The following FGFR1 variants were observed in gnomAD, a reference collection of about 807,000 sequenced individuals.
FGFR1 encodes the protein fibroblast growth factor receptor 1.
FGFR1 carries 18 observed loss-of-function variants against 93.7 expected under a neutral mutation model. The ratio of observed to expected loss-of-function variants is 0.19; its 90% CI spans 0.13 to 0.28. The LOEUF (loss-of-function observed/expected upper bound fraction) is 0.28. Ranked by LOEUF, FGFR1 falls within the 10% of genes least tolerant of loss-of-function variation. The pLI is 1.00. For missense variants in FGFR1, 731 were observed against 1,080.4 expected (o/e 0.68, Z 4.53); for synonymous variants, 448 against 429.3 (o/e 1.04, Z -0.54).
chr8:38,450,404 G>A (rs1013141651), intron 2 of FGFR1, among the ~76,000 whole-genome samples: 3 of 152,160 alleles, frequency 2.0e-5, no homozygotes, highest in South Asian at 2.1e-4. Flanking sequence ...CAGTGGCCCC[G>A]GAGGAACGAG....
At chr8:38,414,681 C>T (rs756455400) in intron 14 of FGFR1, 52 bp from the exon 15 acceptor site, 11 of 1,613,502 alleles carry the variant, frequency 6.8e-6, no homozygotes, top group Non-Finnish European at 9.3e-6. Flanking sequence ...GCCATGAGGG[C>T]ACAGGTGGGA....
chr8:38,465,785 G>T (rs1287257337), intron 1 of FGFR1: 2 of 217,566 alleles, frequency 9.2e-6, no homozygotes, highest in Non-Finnish European at 1.8e-5. Context: ...GGCCAAGGGA[G>T]GAAAATGGCC....
rs911438036 is a variant in FGFR1, at chr8:38,411,302, C to G, written c.*2326G>C. The G allele has an allele frequency of 1.4e-5, 3 of 211,818 alleles. No individual in the cohort carries two copies. Among genetic ancestry groups the G allele is most frequent in the Non-Finnish European group, 1.9e-5 (2 of 104,608 alleles). The allele number at this position is 211,818 out of a possible 1,614,324, so 13.1% of individuals were successfully genotyped here. On this transcript the variant is annotated 3_prime_UTR_variant, in exon 18 of 18. Transcript: ENST00000447712. ...TTATGAAGACTTTTAGATTCTTCAT[C>G]CCTTCACACAACATTGCTTCAAGGT...
At chr8:38,463,578 A>T (rs1366622405) in intron 1 of FGFR1, among the ~76,000 whole-genome samples, 1 of 152,164 alleles carries the variant, frequency 6.6e-6, no homozygotes, top group Non-Finnish European at 1.5e-5. Context: ...AGATGCCAAC[A>T]TGTTTGTTAA....
At chr8:38,415,259 T>A (rs181555012) in intron 13 of FGFR1, among the ~76,000 whole-genome samples, 30 of 152,206 alleles carry the variant, frequency 2.0e-4, no homozygotes, top group Admixed American at 4.6e-4. Flanking sequence ...GACAGTTTCA[T>A]TTTATCTTCA....
At chr8:38,427,065 C>A (rs1325121262) in intron 5 of FGFR1, among the ~76,000 whole-genome samples, 8 of 150,462 alleles carry the variant, frequency 5.3e-5, no homozygotes, top group Non-Finnish European at 1.2e-4. Context: ...CAAGATGGCA[C>A]CACTGCACTC....
intron 2 of FGFR1, among the ~76,000 whole-genome samples, chr8:38,432,132 T>G (rs1309094267): frequency 6.6e-6 from 1 of 152,106 alleles, no homozygotes; most frequent in Non-Finnish European, 1.5e-5. Flanking sequence ...GACAAAAATG[T>G]AGCAAAGAGA....
At chr8:38,440,179 G>C (rs1355514114) in intron 2 of FGFR1, 1 of 758,074 alleles carries the variant, frequency 1.3e-6, no homozygotes, top group Non-Finnish European at 2.3e-6. Flanking sequence ...GTGGGTGGGG[G>C]AGGAACTCGG....
At position 38,413,760 on chromosome 8, in the gene FGFR1, G is replaced by A. The variant is rs773808959; in HGVS notation, c.2337C>T (p.Ser779=). 5 of 1,614,150 alleles carry A rather than the reference G, an allele frequency of 3.1e-6. No homozygotes were observed. The South Asian group carries it at 5.5e-5, about 18-fold the overall frequency. ...ACGTAGAGCTCCGGGTGTCGGGAAA[G>A]CTGGGGGAGTACTGGTCCAGGGGCA... is the stretch of plus-strand genomic sequence containing the variant. ...LSMPLDQYSP[S]FPDTRSSTCS... is the part of the protein sequence containing the mutation. The change falls in exon 18 of 18, where the codon AGC becomes AGT. Residue 779 remains serine, a synonymous_variant. Transcript: ENST00000447712. This position sits in a 1 kb window ranked among gnomAD's most constrained non-coding sequence, Gnocchi z 4.2.
At chr8:38,438,344 C>G (rs1443090553) in intron 2 of FGFR1, among the ~76,000 whole-genome samples, 1 of 152,064 alleles carries the variant, frequency 6.6e-6, no homozygotes, top group African/African-American at 2.4e-5. Context: ...GAGTTTGAGA[C>G]CAGCCTGGCC....
chr8:38,429,861 T>C lies in FGFR1; in HGVS notation c.179A>G (p.Asp60Gly), dbSNP rs2150963361. Residue 60 changes from aspartate (D) to glycine (G), a missense_variant, in exon 3 of 18, where the codon GAT becomes GGT. Transcript: ENST00000447712. This position sits in a 1 kb window ranked among gnomAD's most constrained non-coding sequence, Gnocchi z 4.4. Reference protein sequence around the residue: ...LLQLRCRLRDDVQSINWLRDG... With the variant: ...LLQLRCRLRDGVQSINWLRDG... ...CCGCAGCCAGTTGATGCTCTGCACA[T>C]CGTCCCGCAGCCGACAGCGAAGCTG... 1.2e-6 allele frequency: 2 copies of C among 1,614,004 alleles called. No homozygotes were observed. The highest frequency in any genetic ancestry group is 1.7e-6 in the Non-Finnish European group (2 of 1,180,008).
At chr8:38,453,198 G>T (rs1831641945) in intron 2 of FGFR1, among the ~76,000 whole-genome samples, 1 of 152,138 alleles carries the variant, frequency 6.6e-6, no homozygotes, top group African/African-American at 2.4e-5. Context: ...CTGAGACGGG[G>T]GCTTACTCCA....
At position 38,424,411 on chromosome 8, in the gene FGFR1, A is replaced by T. The variant is rs746744438; in HGVS notation, c.936+98T>A. On this transcript the variant is annotated intron_variant, in intron 7 of 17. Coordinates refer to ENST00000447712, the MANE Select transcript of FGFR1 (RefSeq NM_023110.3). The surrounding 1 kb of genome is among the most constrained non-coding windows in gnomAD (Gnocchi z 4.3). The stretch of plus-strand genomic sequence containing the variant: ...TGCCTGAAGCGTGAGGAATGATCCC[A>T]TTCGGGGGCAACTGAGCCTGCCCAC... The T allele has an allele frequency of 1.1e-5, 14 of 1,324,610 alleles. No homozygotes were observed. Among genetic ancestry groups the T allele is most frequent in the South Asian group, 9.5e-5 (8 of 83,864 alleles). 82.1% of individuals were successfully genotyped at this position (1,324,610 alleles called of 1,614,324 possible).
At chr8:38,454,221 ACC>A (rs1832018273) in intron 2 of FGFR1, among the ~76,000 whole-genome samples, 1 of 139,600 alleles carries the variant, frequency 7.2e-6, no homozygotes, top group Non-Finnish European at 1.6e-5. Context: ...TAGCACCCCC[ACC>A]CTGGCCCTAA....
At position 38,418,189 on chromosome 8, in the gene FGFR1, G is replaced by A. The variant is rs775118773; in HGVS notation, c.1430+39C>T. ...CTTCCACCACTAGAATAGCAAGCAAGGAATGCCTTCAAAAAGTTGGGAGTC... is the reference window on the plus strand; with the variant it reads ...CTTCCACCACTAGAATAGCAAGCAAAGAATGCCTTCAAAAAGTTGGGAGTC... On this transcript the variant is annotated intron_variant, in intron 10 of 17. Coordinates refer to ENST00000447712, the MANE Select transcript of FGFR1 (RefSeq NM_023110.3). 8 of 1,613,984 alleles carry A rather than the reference G, an allele frequency of 5.0e-6. No individual in the cohort carries two copies. In the African/African-American group the frequency reaches 5.3e-5, roughly 11 times the overall value.
chr8:38,467,905 A>C (rs879856297), intron 1 of FGFR1, 76 bp downstream of exon 1: 10 of 221,588 alleles, frequency 4.5e-5, no homozygotes, highest in Non-Finnish European at 7.2e-5. Context: ...CAAAGCGCGC[A>C]GCCGGGAGGC....
chr8:38,461,155 C>CT, intron 1 of FGFR1: 1 of 1,535,786 alleles, frequency 6.5e-7, no homozygotes, highest in Non-Finnish European at 8.7e-7. Flanking sequence ...AAAGTGCCTG[C>CT]TGTCTTCTCA....
Position 38,424,989 on chromosome 8 carries a change from C to T in FGFR1, c.746-290G>A, listed in dbSNP as rs1820219429. Among the ~76,000 whole-genome samples the T allele has an allele frequency of 6.6e-6, 1 of 152,212 alleles. No individual in the cohort carries two copies. The highest frequency in any genetic ancestry group is 1.5e-5 in the Non-Finnish European group (1 of 68,042). On this transcript the variant is annotated intron_variant, in intron 6 of 17. Coordinates refer to ENST00000447712, the MANE Select transcript of FGFR1 (RefSeq NM_023110.3). The surrounding 1 kb of genome is among the most constrained non-coding windows in gnomAD (Gnocchi z 4.3). ...ATTCAGTTGCACCCCCAGACCTCAGCACAACCTGCTCCTCCTTAAAAAACC... is the reference window on the plus strand; with the variant it reads ...ATTCAGTTGCACCCCCAGACCTCAGTACAACCTGCTCCTCCTTAAAAAACC...
chr8:38,451,061 G>A (rs1449280059), intron 2 of FGFR1, among the ~76,000 whole-genome samples: 1 of 152,154 alleles, frequency 6.6e-6, no homozygotes, highest in Non-Finnish European at 1.5e-5. Flanking sequence ...TATGAGCTTA[G>A]CACCTTGCAG....
Sources: allele counts gnomAD v4.1 joint callset (sites outside exome capture counted in the v4.1 genomes callset), GRCh38; gene constraint gnomAD v4.1.1; non-coding constraint Gnocchi (gnomAD v3.1); transcripts MANE v1.5; gene names NCBI Gene and HGNC (gene_info 2026-07-23, HGNC 2026-07-21).